Variants in EYA3 observed in about 807,000 individuals in gnomAD.
EYA3 encodes the protein EYA transcriptional coactivator and phosphatase 3.
In EYA3, 39 loss-of-function variants were observed where a neutral mutation model predicts 80.0. The observed-to-expected ratio is 0.49, with a 90% CI of 0.38 to 0.64. The LOEUF (loss-of-function observed/expected upper bound fraction) is 0.64, where lower values mean the gene tolerates loss of function less well. EYA3 is among the 30% of genes least tolerant of loss of function. The pLI is 0.00. For missense variants in EYA3, 523 were observed against 676.1 expected, an observed-to-expected ratio of 0.77 and a Z score of 2.51; for synonymous variants, 206 against 232.8, an observed-to-expected ratio of 0.88 and a Z score of 1.05.
chr1:28,004,480 A>G (rs1641128829), intron 10 of EYA3, 61 bp from the exon 11 acceptor site: 1 of 1,220,626 alleles, frequency 8.2e-7, no homozygotes. Context: ...TGAAACCAGA[A>G]ATCAATAACA....
chr1:28,054,716 T>C (rs1321556200), intron 2 of EYA3, among the ~76,000 whole-genome samples: 3 of 151,898 alleles, frequency 2.0e-5, no homozygotes, highest in East Asian at 1.9e-4. Context: ...AAAAAATTAG[T>C]TGGGTGTGCT....
rs1483031978 is a variant in EYA3, at chr1:28,008,568, G to A, written c.909+2379C>T. Among the ~76,000 whole-genome samples, 4 of 152,096 alleles carry A rather than the reference G, an allele frequency of 2.6e-5. No homozygotes were observed. In the East Asian group the frequency reaches 7.7e-4, roughly 29 times the overall value. On this transcript the variant is annotated intron_variant, in intron 10 of 17. Transcript: ENST00000373871. ...AAGATTATATATCTGATTAATATAA[G>A]GGATTAATAATCTAGAATATTCTAG...
chr1:28,068,458 C>T (rs756033613), intron 1 of EYA3, among the ~76,000 whole-genome samples: 3 of 151,686 alleles, frequency 2.0e-5, no homozygotes, highest in Non-Finnish European at 4.4e-5. Flanking sequence ...ATGTTCTTAA[C>T]GTTTTTAAAT....
rs1314822335 is a variant in EYA3, at chr1:27,989,636, T to C, written c.1418+61A>G. ...CCCTATTTTAGAGAATGGCTTATCC[T>C]GAACTGGAGTAGAAGAATATGTCGC... On this transcript the variant is annotated intron_variant, in intron 15 of 17. Coordinates refer to ENST00000373871, the MANE Select transcript of EYA3 (RefSeq NM_001990.4). 3 of 1,111,212 alleles carry C rather than the reference T, an allele frequency of 2.7e-6. No individual in the cohort carries two copies. The African/African-American group carries it at 4.7e-5, about 17-fold the overall frequency. The allele number at this position is 1,111,212 out of a possible 1,614,324, so 68.8% of individuals were successfully genotyped here. A position where few individuals can be genotyped will look rare whatever the true frequency, so the allele number is the denominator to read the frequency against.
At chr1:27,983,092 C>T (rs1323557442) in intron 16 of EYA3, among the ~76,000 whole-genome samples, 1 of 152,124 alleles carries the variant, frequency 6.6e-6, no homozygotes, top group Non-Finnish European at 1.5e-5. Context: ...CAAACTTTTT[C>T]TGTAAAGAGT....
chr1:27,975,453 A>G (rs1638882868), intron 17 of EYA3, among the ~76,000 whole-genome samples: 3 of 149,244 alleles, frequency 2.0e-5, no homozygotes, highest in East Asian at 2.0e-4. Flanking sequence ...AGTGCTAGGG[A>G]TTACAGGCAT....
rs1428739900 is a variant in EYA3, at chr1:27,972,159, C to T, written c.*2307G>A. 1 of 152,250 alleles carries T rather than the reference C, an allele frequency of 6.6e-6. No individual in the cohort carries two copies. The highest frequency in any genetic ancestry group is 1.5e-5 in the Non-Finnish European group (1 of 68,066). 9.4% of individuals were successfully genotyped at this position (152,250 alleles called of 1,614,324 possible). A position where few individuals can be genotyped will look rare whatever the true frequency, so the allele number is the denominator to read the frequency against. On this transcript the variant is annotated 3_prime_UTR_variant, in exon 18 of 18. Transcript: ENST00000373871. The stretch of plus-strand genomic sequence containing the variant: ...TCCGCAGCCTCACAAACCTGAAGCG[C>T]AGCACAACAGCCGTGGCCTTTGTCC...
intron 17 of EYA3, 88 bp from the exon 18 acceptor site, chr1:27,974,634 CT>C: frequency 9.4e-7 from 1 of 1,066,132 alleles, no homozygotes; most frequent in South Asian, 1.4e-5. Flanking sequence ...CAACACACCT[CT>C]CCCCAAGGTA....
At position 27,970,778 on chromosome 1, in the gene EYA3, A is replaced by C. The variant is rs887881148; in HGVS notation, c.*3688T>G. ...GGAAACCAATTTAGTGGTAAGAAAT[A>C]GAAGCCTGCTTAAGAGGGACCCTAA... On this transcript the variant is annotated 3_prime_UTR_variant, in exon 18 of 18. Coordinates refer to ENST00000373871, the MANE Select transcript of EYA3 (RefSeq NM_001990.4). 1.2e-4 allele frequency: 18 copies of C among 152,348 alleles called. No homozygotes were observed. The highest frequency in any genetic ancestry group is 4.3e-4 in the African/African-American group (18 of 41,580). The allele number at this position is 152,348 out of a possible 1,614,324, so 9.4% of individuals were successfully genotyped here. A position where few individuals can be genotyped will look rare whatever the true frequency, so the allele number is the denominator to read the frequency against.
intron 1 of EYA3, among the ~76,000 whole-genome samples, chr1:28,062,208 G>T (rs1473943792): frequency 6.6e-6 from 1 of 151,806 alleles, no homozygotes; most frequent in Non-Finnish European, 1.5e-5. Context: ...ACCTTTTTTG[G>T]AAATAGAGCT....
chr1:28,005,771 C>T (rs1379139825), intron 10 of EYA3, among the ~76,000 whole-genome samples: 5 of 151,582 alleles, frequency 3.3e-5, no homozygotes, highest in Non-Finnish European at 7.4e-5. Flanking sequence ...TAAAACTAAA[C>T]AAAATAGAGG....
chr1:28,068,552 CT>C (rs935780983), intron 1 of EYA3, among the ~76,000 whole-genome samples: 135 of 144,488 alleles, frequency 9.3e-4, no homozygotes, highest in African/African-American at 1.6e-3. Flanking sequence ...AATAACATTC[CT>C]TTTTTTTTTT....
chr1:28,082,075 A>G (rs1005508673), intron 1 of EYA3, among the ~76,000 whole-genome samples: 5 of 152,150 alleles, frequency 3.3e-5, no homozygotes, highest in African/African-American at 9.7e-5. Flanking sequence ...TCAGCTCCAT[A>G]ACAATACTTT....
chr1:28,023,456 T>C (rs1284859860), intron 7 of EYA3, among the ~76,000 whole-genome samples: 1 of 152,166 alleles, frequency 6.6e-6, no homozygotes, highest in African/African-American at 2.4e-5. Context: ...TTCAATTAGG[T>C]AATCAAGGTC....
chr1:28,088,343 C>T (rs563500223), intron 1 of EYA3, among the ~76,000 whole-genome samples, 181 bp downstream of exon 1: 1 of 152,224 alleles, frequency 6.6e-6, no homozygotes, highest in African/African-American at 2.4e-5. Flanking sequence ...GAAGGCTAAG[C>T]TGAGGTGAAT....
intron 10 of EYA3, among the ~76,000 whole-genome samples, chr1:28,010,557 A>AT (rs1036956058): frequency 6.6e-6 from 1 of 151,878 alleles, no homozygotes; most frequent in Non-Finnish European, 1.5e-5. Flanking sequence ...TCTTGTATAT[A>AT]TATATTTTTA....
chr1:28,016,574 A>T (rs1028493322), intron 8 of EYA3, among the ~76,000 whole-genome samples: 6 of 151,942 alleles, frequency 3.9e-5, no homozygotes, highest in African/African-American at 1.5e-4. Context: ...TAATAACCAG[A>T]ATAGTAATGT....
At chr1:28,034,441 T>C (rs992293437) in intron 6 of EYA3, among the ~76,000 whole-genome samples, 1 of 152,186 alleles carries the variant, frequency 6.6e-6, no homozygotes, top group Admixed American at 6.5e-5. Context: ...TGGTTAATCA[T>C]ATCATAAATA....
In EYA3 at chr1:28,013,395, C is replaced by T. The variant is rs929055924; in HGVS notation, c.586-101G>A. On this transcript the variant is annotated intron_variant, in intron 8 of 17. Coordinates refer to ENST00000373871, the MANE Select transcript of EYA3 (RefSeq NM_001990.4). This position sits in a 1 kb window ranked among gnomAD's most constrained non-coding sequence, Gnocchi z 4.0. ...CTCTTTCTTATTCATAATTATTTTT[C>T]TAAAACATTAATTTGACTTCTCATT... is the stretch of plus-strand genomic sequence containing the variant. 3.0e-5 allele frequency: 32 copies of T among 1,058,064 alleles called. No individual in the cohort carries two copies. Among genetic ancestry groups the T allele is most frequent in the Non-Finnish European group, 1.2e-5 (9 of 764,970 alleles). The allele number at this position is 1,058,064 out of a possible 1,614,324, so 65.5% of individuals were successfully genotyped here. A position where few individuals can be genotyped will look rare whatever the true frequency, so the allele number is the denominator to read the frequency against.
Sources: gnomAD v4.1 joint callset for allele counts (sites outside exome capture counted in the v4.1 genomes callset) on GRCh38, gnomAD v4.1.1 for gene constraint, Gnocchi (gnomAD v3.1) non-coding constraint, MANE v1.5 for transcripts, NCBI Gene and HGNC (gene_info 2026-07-23, HGNC 2026-07-21) for gene names.